The following CEP63 variants were observed in gnomAD, a reference collection of about 807,000 sequenced individuals.
CEP63 encodes centrosomal protein 63, also known as centrosomal protein of 63 kDa.
CEP63 carries 84 observed loss-of-function variants against 89.1 expected under a neutral mutation model. The ratio of observed to expected loss-of-function variants is 0.94; its 90% confidence interval spans 0.79 to 1.13. The LOEUF (loss-of-function observed/expected upper bound fraction) is 1.13. Ranked by LOEUF, CEP63 falls within the 50% of genes most tolerant of loss-of-function variation. CEP63 has a pLI of 0.00. For missense variants in CEP63, 838 were observed against 813.3 expected (o/e 1.03, Z -0.37); for synonymous variants, 267 against 272.5 (o/e 0.98, Z 0.20).
the CEP63 span, among the ~76,000 whole-genome samples, chr3:134,714,014 T>C: frequency 6.6e-6 from 1 of 152,282 alleles, no homozygotes; most frequent in African/African-American, 2.4e-5. Context: ...AAAGGGATGG[T>C]GAGTCCCAGA....
chr3:134,517,573 A>G (rs1215767684), intron 3 of CEP63, among the ~76,000 whole-genome samples: 1 of 152,220 alleles, frequency 6.6e-6, no homozygotes, highest in Non-Finnish European at 1.5e-5. Context: ...ATGCTGGGCC[A>G]TAAAGTAAAT....
chr3:134,727,826 T>C, the CEP63 span, among the ~76,000 whole-genome samples: 1 of 152,212 alleles, frequency 6.6e-6, no homozygotes, highest in African/African-American at 2.4e-5. Flanking sequence ...GTGTTTAGAA[T>C]TATTGAAGTT....
intron 6 of CEP63, among the ~76,000 whole-genome samples, chr3:134,541,732 C>T (rs765582712): frequency 2.8e-5 from 4 of 142,608 alleles, no homozygotes; most frequent in South Asian, 2.3e-4. Flanking sequence ...AGGCTTTTCT[C>T]GAACTCCTGA....
At chr3:134,652,479 C>T in the CEP63 span, among the ~76,000 whole-genome samples, 19 of 149,278 alleles carry the variant, frequency 1.3e-4, no homozygotes, top group African/African-American at 4.2e-4. Flanking sequence ...GACTCACCCA[C>T]TGGGCATCTG....
chr3:134,615,673 G>T, the CEP63 span, among the ~76,000 whole-genome samples: 124 of 150,588 alleles, frequency 8.2e-4, no homozygotes, highest in Middle Eastern at 7.0e-3. Context: ...AAGGGTGGGG[G>T]AGCTAAGATG....
chr3:134,743,676 C>G, the CEP63 span, among the ~76,000 whole-genome samples: 7 of 152,140 alleles, frequency 4.6e-5, no homozygotes, highest in Non-Finnish European at 1.0e-4. Flanking sequence ...GCTATAACAT[C>G]AGACCAGTCA....
At chr3:134,676,282 T>C in the CEP63 span, among the ~76,000 whole-genome samples, 12 of 152,292 alleles carry the variant, frequency 7.9e-5, no homozygotes, top group African/African-American at 2.6e-4. Flanking sequence ...TGCCACAACA[T>C]GGATGAACCT....
chr3:134,554,352 T>C (rs1408523012), intron 12 of CEP63, among the ~76,000 whole-genome samples: 25 of 148,094 alleles, frequency 1.7e-4, no homozygotes, highest in Admixed American at 8.9e-4. Context: ...TTTGTTCTTG[T>C]GATAGTTTAC....
the CEP63 span, chr3:134,651,728 G>T: frequency 1.7e-6 from 1 of 598,544 alleles, no homozygotes; most frequent in Non-Finnish European, 2.1e-6. Context: ...CGTTCTAGAA[G>T]CCTGGCTCCT....
chr3:134,624,963 G>A, the CEP63 span: 1,512 of 1,121,860 alleles, frequency 1.3e-3, 7 homozygotes, highest in Non-Finnish European at 1.8e-3. Flanking sequence ...CTCAGGATAT[G>A]TTCAGGAGGT....
the CEP63 span, among the ~76,000 whole-genome samples, chr3:134,744,065 C>A: frequency 9.5e-4 from 144 of 152,238 alleles, 1 homozygote; most frequent in Admixed American, 4.2e-3. Flanking sequence ...CCCAGCCATC[C>A]AGCTACATGC....
chr3:134,705,624 T>C, the CEP63 span, among the ~76,000 whole-genome samples: 1 of 152,210 alleles, frequency 6.6e-6, no homozygotes, highest in African/African-American at 2.4e-5. Flanking sequence ...TGTTTGAGGA[T>C]GATTCTCTTT....
chr3:134,757,299 T>C, the CEP63 span, among the ~76,000 whole-genome samples: 1 of 152,084 alleles, frequency 6.6e-6, no homozygotes, highest in Non-Finnish European at 1.5e-5. Context: ...AAAAGGAGAA[T>C]GGATAGTGGG....
the CEP63 span, among the ~76,000 whole-genome samples, chr3:134,778,660 G>A: frequency 0.01 from 1,593 of 152,176 alleles, 29 homozygotes; most frequent in African/African-American, 0.037. Flanking sequence ...CCGGGTTCAC[G>A]CCATTCTCCT....
At chr3:134,603,741 C>T in the CEP63 span, 1 of 1,612,444 alleles carries the variant, frequency 6.2e-7, no homozygotes, top group East Asian at 2.2e-5. Flanking sequence ...GCCCCTTCAC[C>T]AGGACTTTGG....
At chr3:134,559,026 G>C (rs1956822669) in intron 13 of CEP63, 124 bp from the exon 14 acceptor site, 1 of 919,064 alleles carries the variant, frequency 1.1e-6, no homozygotes, top group Non-Finnish European at 1.7e-6. Context: ...ATCTGAGTAG[G>C]TTGCTCATTT....
the CEP63 span, chr3:134,607,816 G>T: frequency 2.0e-6 from 2 of 988,216 alleles, no homozygotes; most frequent in African/African-American, 3.5e-5. Flanking sequence ...TGCCCCAGGG[G>T]AGTGGGCTGG....
At chr3:134,511,432 C>T (rs1355038334) in intron 3 of CEP63, 1 of 153,734 alleles carries the variant, frequency 6.5e-6, no homozygotes, top group Non-Finnish European at 1.5e-5. Context: ...AATCAAAATA[C>T]TTCTTTCAAG....
chr3:134,690,387 A>C, the CEP63 span, among the ~76,000 whole-genome samples: 1 of 152,230 alleles, frequency 6.6e-6, no homozygotes, highest in Non-Finnish European at 1.5e-5. Flanking sequence ...TTCCTTCAAC[A>C]GTAACTTGTG....
Sources: allele counts gnomAD v4.1 joint callset (sites outside exome capture counted in the v4.1 genomes callset), GRCh38; gene constraint gnomAD v4.1.1; transcripts MANE v1.5; gene names NCBI Gene and HGNC (gene_info 2026-07-23, HGNC 2026-07-21).